LIX1: variants seen among roughly 807,000 people sequenced by gnomAD.
LIX1 encodes the protein limb and CNS expressed 1.
LIX1 carries 24 observed loss-of-function variants against 33.4 expected under a neutral mutation model. That is an observed-to-expected ratio of 0.72 (90% CI 0.52 to 1.01). The LOEUF is 1.01. Ranked by LOEUF, LIX1 falls within the 50% of genes least tolerant of loss-of-function variation. The pLI is 0.00. For missense variants in LIX1, 311 were observed against 339.2 expected (o/e 0.92, Z 0.65); for synonymous variants, 124 against 124.0 (o/e 1.00, Z 0.00).
Position 97,094,730 on chromosome 5 carries a change from A to G in LIX1, c.*18T>C. On this transcript the variant is annotated 3_prime_UTR_variant, in exon 6 of 6. Coordinates refer to ENST00000274382, the MANE Select transcript of LIX1 (RefSeq NM_153234.5). ...TCTGGCCTCTGCCATCACTGAGGGT[A>G]CCCGGGGCTTGGCCTTGCTAGTGAT... 1.4e-6 allele frequency: 2 copies of G among 1,418,524 alleles called. No individual in the cohort carries two copies. Among genetic ancestry groups the G allele is most frequent in the East Asian group, 4.7e-5 (2 of 42,466 alleles). The allele number at this position is 1,418,524 out of a possible 1,614,324, so 87.9% of individuals were successfully genotyped here.
Position 97,124,624 on chromosome 5 carries a change from C to A in LIX1, c.88G>T (p.Val30Phe). ...DPALVFKDLN[V>F]VSMLQEFWES... ...CAAAATTCCTGTAACATTGACACAA[C>A]GTTCACTGAAAAAGACAAGAAACAC... The change falls in exon 2 of 6, where the codon GTT (valine) becomes TTT (phenylalanine). Residue 30 changes from valine to phenylalanine, a missense_variant. Physicochemically the swap from Val to Phe is conservative, Grantham distance 50 (BLOSUM62 -1). Transcript: ENST00000274382. 6.2e-7 allele frequency: 1 copy of A among 1,607,926 alleles called. No individual in the cohort carries two copies. Among genetic ancestry groups the A allele is most frequent in the African/African-American group, 1.3e-5 (1 of 74,770 alleles).
chr5:97,107,323 G>A (rs1335073548), intron 3 of LIX1, 37 bp downstream of exon 3: 23 of 1,595,600 alleles, frequency 1.4e-5, no homozygotes, highest in Non-Finnish European at 1.9e-5. Flanking sequence ...AGAATTCTCA[G>A]TGCAGCCATC....
At chr5:97,131,830 G>A (rs1748062553) in intron 1 of LIX1, among the ~76,000 whole-genome samples, 1 of 152,214 alleles carries the variant, frequency 6.6e-6, no homozygotes, top group Non-Finnish European at 1.5e-5. Context: ...GGAATAGGAG[G>A]TTTCACGGAT....
intron 2 of LIX1, among the ~76,000 whole-genome samples, chr5:97,114,544 GTGT>G (rs1186815297): frequency 6.6e-6 from 1 of 152,160 alleles, no homozygotes; most frequent in Non-Finnish European, 1.5e-5. Flanking sequence ...AAAAACTTTA[GTGT>G]TCATAGTACA....
intron 4 of LIX1, chr5:97,103,046 A>G (rs1449834262): frequency 4.4e-6 from 2 of 454,076 alleles, no homozygotes; most frequent in Admixed American, 4.7e-5. Context: ...TGAGTCTCAG[A>G]ATGGACAAGC....
chr5:97,140,263 C>T (rs1349612625), intron 1 of LIX1, among the ~76,000 whole-genome samples: 1 of 152,058 alleles, frequency 6.6e-6, no homozygotes, highest in East Asian at 1.9e-4. Flanking sequence ...TGTGTTTATT[C>T]TTTTGTTCAA....
In LIX1 at chr5:97,091,970, A is replaced by G. The variant is rs536931832; in HGVS notation, c.*2778T>C. 6.6e-6 allele frequency: 1 copy of G among 152,456 alleles called. No individual in the cohort carries two copies. Among genetic ancestry groups the G allele is most frequent in the East Asian group, 1.9e-4 (1 of 5,326 alleles). The allele number at this position is 152,456 out of a possible 1,614,324, so 9.4% of individuals were successfully genotyped here. ...AAACTGCTTTTTTAAAAACAATAATATGGTAAATTTGGATTTTGTGGAACT... is the reference window on the plus strand; with the variant it reads ...AAACTGCTTTTTTAAAAACAATAATGTGGTAAATTTGGATTTTGTGGAACT... On this transcript the variant is annotated 3_prime_UTR_variant, in exon 6 of 6. Transcript: ENST00000274382.
intron 2 of LIX1, among the ~76,000 whole-genome samples, chr5:97,118,457 G>A (rs1482125922): frequency 2.0e-5 from 3 of 152,152 alleles, no homozygotes; most frequent in Admixed American, 1.3e-4. Context: ...TCATCAAGAG[G>A]GGAGCCAGAC....
chr5:97,112,631 TAA>T (rs1747460274), intron 2 of LIX1, among the ~76,000 whole-genome samples: 1 of 152,322 alleles, frequency 6.6e-6, no homozygotes, highest in South Asian at 2.1e-4. Context: ...AAGATTTTAC[TAA>T]AGTCAGCTGT....
intron 4 of LIX1, among the ~76,000 whole-genome samples, chr5:97,103,759 A>C (rs1429165055): frequency 6.6e-6 from 1 of 152,128 alleles, no homozygotes; most frequent in Non-Finnish European, 1.5e-5. Context: ...AGGTCAGGAG[A>C]TGGAGACCAT....
intron 4 of LIX1, among the ~76,000 whole-genome samples, chr5:97,097,736 A>C (rs1245398802): frequency 6.6e-6 from 1 of 152,228 alleles, no homozygotes; most frequent in Non-Finnish European, 1.5e-5. Context: ...GTTTGGACAG[A>C]GCTACTGCAT....
chr5:97,096,749 G>A (rs1746396334), intron 5 of LIX1, 61 bp downstream of exon 5: 1 of 1,150,350 alleles, frequency 8.7e-7, no homozygotes, highest in Admixed American at 1.8e-5. Flanking sequence ...CTCCTGGGAA[G>A]ATGATAAGCC....
At chr5:97,142,405 T>G (rs1186306007) in intron 1 of LIX1, 90 bp downstream of exon 1, 1 of 872,706 alleles carries the variant, frequency 1.1e-6, no homozygotes, top group Non-Finnish European at 1.9e-6. Context: ...CTGCAGAGAT[T>G]TAGGAGAAAT....
intron 4 of LIX1, among the ~76,000 whole-genome samples, chr5:97,098,617 G>A (rs1213497757): frequency 2.0e-5 from 3 of 152,200 alleles, no homozygotes. Context: ...GGGCACGGTG[G>A]TGTGTGCCTA....
chr5:97,122,293 CTAGCTCT>C (rs1747806449), intron 2 of LIX1, among the ~76,000 whole-genome samples: 1 of 152,176 alleles, frequency 6.6e-6, no homozygotes, highest in South Asian at 2.1e-4. Context: ...TGGAGTTTCT[CTAGCTCT>C]TCTTTACTTT....
intron 1 of LIX1, among the ~76,000 whole-genome samples, chr5:97,126,710 G>A (rs1484977736): frequency 6.7e-6 from 1 of 149,426 alleles, no homozygotes; most frequent in Non-Finnish European, 1.5e-5. Flanking sequence ...CACGATCTCG[G>A]CTCATTGCAA....
At chr5:97,138,487 C>T (rs566901315) in intron 1 of LIX1, among the ~76,000 whole-genome samples, 11 of 152,252 alleles carry the variant, frequency 7.2e-5, no homozygotes, top group East Asian at 1.9e-4. Context: ...TAAACTTTTC[C>T]GCAACGCAAC....
chr5:97,131,966 T>G (rs1471649562), intron 1 of LIX1, among the ~76,000 whole-genome samples: 1 of 152,208 alleles, frequency 6.6e-6, no homozygotes, highest in Non-Finnish European at 1.5e-5. Flanking sequence ...GGCTGCCTAC[T>G]CACTTGGGTT....
intron 4 of LIX1, among the ~76,000 whole-genome samples, chr5:97,101,210 G>A (rs77019437): frequency 1.3e-5 from 2 of 152,218 alleles, no homozygotes; most frequent in East Asian, 3.9e-4. Flanking sequence ...CATGAATTTT[G>A]AGTTTAAAAA....
Sources: allele counts gnomAD v4.1 joint callset (sites outside exome capture counted in the v4.1 genomes callset), GRCh38; gene constraint gnomAD v4.1.1; transcripts MANE v1.5; gene names NCBI Gene and HGNC (gene_info 2026-07-23, HGNC 2026-07-21).